The following LYZL4 variants were observed in gnomAD, a reference collection of about 807,000 sequenced individuals.
The protein encoded by LYZL4 is lysozyme like 4, also known as lysozyme-like protein 4.
In LYZL4, 13 loss-of-function variants were observed where a neutral mutation model predicts 17.6. That is an observed-to-expected ratio of 0.74 (90% CI 0.48 to 1.18). LYZL4 has a LOEUF of 1.18. Ranked by LOEUF, LYZL4 falls within the 50% of genes most tolerant of loss-of-function variation. LYZL4 has a pLI of 0.00. For synonymous variants in LYZL4, 64 were observed against 67.7 expected (o/e 0.95, Z 0.27); for missense variants, 174 against 188.2 (o/e 0.92, Z 0.44).
chr3:42,368,499 T>G, the LYZL4 span, among the ~76,000 whole-genome samples: 1 of 152,222 alleles, frequency 6.6e-6, no homozygotes, highest in South Asian at 2.1e-4. Flanking sequence ...ATATGGAATT[T>G]TATAACCTGC....
downstream of LYZL4, among the ~76,000 whole-genome samples, chr3:42,392,881 C>T (rs1698503702): frequency 6.6e-6 from 1 of 152,094 alleles, no homozygotes; most frequent in African/African-American, 2.4e-5. Flanking sequence ...CTAGTAATGG[C>T]AAGGCTGATA....
the LYZL4 span, among the ~76,000 whole-genome samples, chr3:42,373,489 C>A: frequency 2.0e-5 from 3 of 152,092 alleles, no homozygotes; most frequent in Admixed American, 6.6e-5. Context: ...ACACACACAC[C>A]CTTACCCAGC....
At chr3:42,404,149 T>C (rs1356725232) in intron 3 of LYZL4, 25 bp from the exon 4 acceptor site, 3 of 1,483,356 alleles carry the variant, frequency 2.0e-6, no homozygotes, top group African/African-American at 1.4e-5. Flanking sequence ...AAATGGAAGA[T>C]ACCATGCTGC....
In LYZL4 at chr3:42,397,352, C is replaced by A; in HGVS notation, c.372-18G>T. 1 of 1,548,068 alleles carries A rather than the reference C, an allele frequency of 6.5e-7. No homozygotes were observed. The highest frequency in any genetic ancestry group is 8.8e-7 in the Non-Finnish European group (1 of 1,139,472). Reference sequence around the variant, plus strand: ...AGGTGGGCCTGTGGAGAGAAGTGAACAGGAAGGGCTCCTCAAAGTCAGAAC... The same window carrying A: ...AGGTGGGCCTGTGGAGAGAAGTGAAAAGGAAGGGCTCCTCAAAGTCAGAAC... On this transcript the variant is annotated intron_variant, in intron 4 of 4. Coordinates refer to ENST00000287748, the MANE Select transcript of LYZL4 (RefSeq NM_144634.4).
At chr3:42,392,961 G>A (rs1185640035), downstream of LYZL4, among the ~76,000 whole-genome samples, 1 of 152,128 alleles carries the variant, frequency 6.6e-6, no homozygotes, top group Non-Finnish European at 1.5e-5. Context: ...CCAGGGTGCT[G>A]GTGACTTGCC....
At chr3:42,406,471 A>AAG (rs1181723476) in intron 3 of LYZL4, among the ~76,000 whole-genome samples, 2,880 of 114,874 alleles carry the variant, frequency 0.025, 66 homozygotes, top group Non-Finnish European at 0.041. Context: ...AAAAAAAAAA[A>AAG]AAAAAAAAAG....
At chr3:42,406,413 C>T (rs1164530669) in intron 3 of LYZL4, among the ~76,000 whole-genome samples, 2 of 141,636 alleles carry the variant, frequency 1.4e-5, no homozygotes, top group Non-Finnish European at 3.0e-5. Context: ...GAGATCGCGC[C>T]ACTGCACTCC....
At chr3:42,387,548 G>T in the LYZL4 span, among the ~76,000 whole-genome samples, 2 of 152,046 alleles carry the variant, frequency 1.3e-5, no homozygotes, top group African/African-American at 4.8e-5. Context: ...CCGTCCCTTG[G>T]TGCTCCACAT....
At chr3:42,381,146 G>A in the LYZL4 span, among the ~76,000 whole-genome samples, 82,165 of 151,974 alleles carry the variant, frequency 0.54, 23,626 homozygotes, top group East Asian at 0.84. Context: ...ATAAATGCCT[G>A]CTATGGTAGG....
the LYZL4 span, among the ~76,000 whole-genome samples, chr3:42,385,918 A>G: frequency 1.0e-3 from 159 of 152,244 alleles, no homozygotes; most frequent in African/African-American, 3.5e-3. Context: ...AAAAAACACA[A>G]TTGTGTTAAC....
the LYZL4 span, among the ~76,000 whole-genome samples, chr3:42,365,878 A>T: frequency 1.3e-5 from 2 of 152,212 alleles, no homozygotes; most frequent in Non-Finnish European, 2.9e-5. Flanking sequence ...CATATACTCT[A>T]TATTGAAATA....
the LYZL4 span, among the ~76,000 whole-genome samples, chr3:42,362,649 G>C: frequency 1.3e-5 from 2 of 152,182 alleles, no homozygotes; most frequent in Admixed American, 1.3e-4. Context: ...ATTCACAAGG[G>C]CTCCACCCTC....
chr3:42,362,563 C>T, the LYZL4 span, among the ~76,000 whole-genome samples: 1 of 152,202 alleles, frequency 6.6e-6, no homozygotes, highest in Non-Finnish European at 1.5e-5. Flanking sequence ...ATAGATGGAA[C>T]CTTCTAGCTG....
At chr3:42,364,341 C>CTTTTTTTTT in the LYZL4 span, among the ~76,000 whole-genome samples, 1 of 119,892 alleles carries the variant, frequency 8.3e-6, no homozygotes, top group African/African-American at 3.3e-5. Context: ...TTTTTCTTTT[C>CTTTTTTTTT]TTTTTTTTTT....
At chr3:42,402,590 A>G (rs1359636281) in intron 4 of LYZL4, among the ~76,000 whole-genome samples, 3 of 152,172 alleles carry the variant, frequency 2.0e-5, no homozygotes, top group Admixed American at 6.5e-5. Context: ...ATACCACAAC[A>G]CAGTCATGAG....
At chr3:42,395,653 A>C (rs561536679), downstream of LYZL4, among the ~76,000 whole-genome samples, 8 of 152,306 alleles carry the variant, frequency 5.3e-5, no homozygotes, top group African/African-American at 1.7e-4. Context: ...TATGCTACCC[A>C]GGTTTTCTTC....
intron 1 of LYZL4, among the ~76,000 whole-genome samples, chr3:42,408,129 G>A (rs72859474): frequency 0.036 from 5,453 of 151,960 alleles, 329 homozygotes; most frequent in African/African-American, 0.13. Context: ...CCAACCCCCC[G>A]GGCCAACTCA....
the LYZL4 span, among the ~76,000 whole-genome samples, chr3:42,382,736 G>A: frequency 1.3e-5 from 2 of 151,778 alleles, no homozygotes; most frequent in Non-Finnish European, 2.9e-5. Context: ...TCCCTGAATG[G>A]CCTCCATTTT....
At chr3:42,385,196 T>A in the LYZL4 span, among the ~76,000 whole-genome samples, 8 of 150,712 alleles carry the variant, frequency 5.3e-5, no homozygotes, top group East Asian at 5.8e-4. Context: ...AAAAAAAAAA[T>A]AAATAAAAGT....
Sources: gnomAD v4.1 joint callset for allele counts (sites outside exome capture counted in the v4.1 genomes callset) on GRCh38, gnomAD v4.1.1 for gene constraint, MANE v1.5 for transcripts, NCBI Gene and HGNC (gene_info 2026-07-23, HGNC 2026-07-21) for gene names.